Variants in SELENBP1 observed in about 807,000 individuals in gnomAD.
The protein encoded by SELENBP1 is methanethiol oxidase.
Under a neutral mutation model 61.0 loss-of-function variants are expected in SELENBP1, and 71 were observed. The observed-to-expected ratio is 1.16, with a 90% CI of 0.96 to 1.42. The LOEUF is 1.42. Among genes scored for constraint, SELENBP1 ranks in the 40% most tolerant of loss-of-function variants. The pLI, the probability that SELENBP1 is intolerant of heterozygous loss-of-function variation, is 0.00. For synonymous variants in SELENBP1, 270 were observed against 238.9 expected (o/e 1.13, Z -1.20); for missense variants, 561 against 605.0 (o/e 0.93, Z 0.76).
intron 5 of SELENBP1, 191 bp from the exon 6 acceptor site, chr1:151,367,095 C>A (rs966006416): frequency 2.2e-6 from 3 of 1,385,138 alleles, no homozygotes; most frequent in Non-Finnish European, 2.8e-6. Context: ...GTAATCCCAG[C>A]CCTTTGAGAG....
rs752043996 is a variant in SELENBP1, at chr1:151,365,173, G to T, written c.1137+16C>A. ...TGGGTCTGAGGGGTCCAGCAAGTAGGGGGAGAGGCTCTTACCTTGACCACT... is the reference window on the plus strand; with the variant it reads ...TGGGTCTGAGGGGTCCAGCAAGTAGTGGGAGAGGCTCTTACCTTGACCACT... On this transcript the variant is annotated intron_variant, in intron 10 of 11. Transcript: ENST00000368868. 8.3e-5 allele frequency: 133 copies of T among 1,611,282 alleles called. No individual in the cohort carries two copies. The Admixed American group carries it at 1.9e-3, about 23-fold the overall frequency.
chr1:151,368,861 G>A lies in SELENBP1; in HGVS notation c.360+143C>T, dbSNP rs539359174. On this transcript the variant is annotated intron_variant, in intron 4 of 11. Coordinates refer to ENST00000368868, the MANE Select transcript of SELENBP1 (RefSeq NM_003944.4). ...AATGCCTGGGTAGACTCTGCTCTGA[G>A]GTCCAACCTCCCTCCCTGCTGCCGA... The A allele has an allele frequency of 6.7e-5, 55 of 819,494 alleles. 1 individual carries two copies. Among genetic ancestry groups the A allele is most frequent in the South Asian group, 4.1e-4 (23 of 56,570 alleles). The allele number at this position is 819,494 out of a possible 1,614,324, so 50.8% of individuals were successfully genotyped here.
rs1557841684 is a variant in SELENBP1, at chr1:151,364,570, GC to G, written c.1391del (p.Gly464AlafsTer?). 1.2e-6 allele frequency: 2 copies of G among 1,614,110 alleles called. No homozygotes were observed. The highest frequency in any genetic ancestry group is 1.1e-5 in the South Asian group (1 of 91,086). On this transcript the variant is annotated frameshift_variant, in exon 12 of 12. Transcript: ENST00000368868. LOFTEE classifies it high-confidence loss of function. ...AAATCCAGATGTCAGAGCTACAATC[GC>G]CCCCAGGGTAGCGGAGCTCATGGGC... ...ALAHELRYPG[G>X]DCSSDIWI
intron 7 of SELENBP1, 184 bp from the exon 8 acceptor site, chr1:151,366,030 T>C (rs1651797152): frequency 1.4e-6 from 1 of 733,806 alleles, no homozygotes; most frequent in Non-Finnish European, 2.2e-6. Flanking sequence ...GCTTCACCAC[T>C]GCATTCCCAG....
At position 151,364,949 on chromosome 1, in the gene SELENBP1, C is replaced by A; in HGVS notation, c.1233G>T (p.Lys411Asn). 6.2e-7 allele frequency: 1 copy of A among 1,614,016 alleles called. No homozygotes were observed. Among genetic ancestry groups the A allele is most frequent in the Non-Finnish European group, 8.5e-7 (1 of 1,179,962 alleles). Reference sequence around the variant, plus strand: ...ACCTGATGAGATCAGGGTAAAACTGCTTGTCCCAGGCACTGTACAGCGACG... The same window carrying A: ...ACCTGATGAGATCAGGGTAAAACTGATTGTCCCAGGCACTGTACAGCGACG... ...ITTSLYSAWD[K>N]QFYPDLIREG... The change falls in exon 11 of 12, where the codon AAG becomes AAT. Residue 411 changes from lysine to asparagine, a missense_variant. Coordinates refer to ENST00000368868, the MANE Select transcript of SELENBP1 (RefSeq NM_003944.4).
chr1:151,366,165 C>A, intron 7 of SELENBP1, 110 bp downstream of exon 7: 2 of 1,302,230 alleles, frequency 1.5e-6, no homozygotes, highest in Non-Finnish European at 2.1e-6. Flanking sequence ...GGGCATGCAG[C>A]CTCATTTTTT....
intron 11 of SELENBP1, 101 bp downstream of exon 11, chr1:151,364,825 G>T (rs917900549): frequency 1.3e-6 from 2 of 1,484,532 alleles, no homozygotes; most frequent in Non-Finnish European, 9.2e-7. Flanking sequence ...GGCCATCTGT[G>T]TGGTGGGGTA....
In SELENBP1 at chr1:151,364,944, A is replaced by C. The variant is rs926278891; in HGVS notation, c.1238T>G (p.Phe413Cys). ...TTCTCACCTGATGAGATCAGGGTAA[A>C]ACTGCTTGTCCCAGGCACTGTACAG... ...TSLYSAWDKQFYPDLIREGSV... is the reference protein window; with the variant it reads ...TSLYSAWDKQCYPDLIREGSV... Residue 413 changes from phenylalanine to cysteine, a missense_variant, in exon 11 of 12, where the codon TTT (phenylalanine) becomes TGT (cysteine). Transcript: ENST00000368868. 1 of 1,613,782 alleles carries C rather than the reference A, an allele frequency of 6.2e-7. No homozygotes were observed. The highest frequency in any genetic ancestry group is 1.3e-5 in the African/African-American group (1 of 74,846).
At chr1:151,366,500 G>A in intron 6 of SELENBP1, 47 bp from the exon 7 acceptor site, 1 of 1,589,254 alleles carries the variant, frequency 6.3e-7, no homozygotes, top group South Asian at 1.1e-5. Flanking sequence ...TCAGAGGTTG[G>A]AAGGCATGGG....
At position 151,372,631 on chromosome 1, in the gene SELENBP1, T is replaced by G. The variant is rs1263310577; in HGVS notation, c.4+7A>C. The G allele has an allele frequency of 6.2e-7, 1 of 1,614,000 alleles. No homozygotes were observed. Among genetic ancestry groups the G allele is most frequent in the African/African-American group, 1.3e-5 (1 of 74,894 alleles). The stretch of plus-strand genomic sequence containing the variant: ...GGCAATGGGTGATTGGAAACCCCTC[T>G]CCTTACCCATGCTGCCGACTGGTAC... On this transcript the variant is annotated splice_region_variant and intron_variant, in intron 1 of 11. Coordinates refer to ENST00000368868, the MANE Select transcript of SELENBP1 (RefSeq NM_003944.4).
In SELENBP1 at chr1:151,369,744, G is replaced by A. The variant is rs746492571; in HGVS notation, c.30C>T (p.Pro10=). 26 of 1,552,576 alleles carry A rather than the reference G, an allele frequency of 1.7e-5. No individual in the cohort carries two copies. Among genetic ancestry groups the A allele is most frequent in the Non-Finnish European group, 2.1e-5 (24 of 1,147,528 alleles). MATKCGNCG[P]GYSTPLEAMK... ...TGGCCTCCAGAGGGGTGGAGTAGCC[G>A]GGTCCACAATTCCCACATTTCGTAG... The change falls in exon 2 of 12, where the codon CCC becomes CCT. Residue 10 remains proline, a synonymous_variant. Coordinates refer to ENST00000368868, the MANE Select transcript of SELENBP1 (RefSeq NM_003944.4).
intron 1 of SELENBP1, among the ~76,000 whole-genome samples, chr1:151,371,080 G>A (rs965165023): frequency 2.0e-5 from 3 of 152,118 alleles, no homozygotes; most frequent in African/African-American, 7.2e-5. Context: ...GTATTCCAAA[G>A]GCCTTTCATA....
chr1:151,367,220 T>C, intron 5 of SELENBP1: 1 of 273,166 alleles, frequency 3.7e-6, no homozygotes, highest in East Asian at 8.2e-5. Context: ...GTCACATGCC[T>C]GTAATCCCAG....
At position 151,369,134 on chromosome 1, in the gene SELENBP1, C is replaced by T; in HGVS notation, c.230G>A (p.Trp77Ter). 1.2e-6 allele frequency: 2 copies of T among 1,614,010 alleles called. No individual in the cohort carries two copies. The highest frequency in any genetic ancestry group is 1.1e-5 in the South Asian group (1 of 91,080). ...NLKDELHHSGWNTCSSCFGDS... is the reference protein window; with the variant it reads ...NLKDELHHSG ...ACCGAAGCAGCTGCTGCAGGTGTTC[C>T]ATCCTGAGTGATGCAGCTCGTCCTT... is the stretch of plus-strand genomic sequence containing the variant. Residue 77 changes from tryptophan to a stop codon, truncating the protein, a stop_gained, in exon 4 of 12, where the codon TGG (tryptophan) becomes TAG (stop). Transcript: ENST00000368868. LOFTEE classifies it high-confidence loss of function.
chr1:151,364,806 G>A, intron 11 of SELENBP1, 101 bp from the exon 12 acceptor site: 4 of 1,489,576 alleles, frequency 2.7e-6, no homozygotes, highest in South Asian at 2.6e-5. Context: ...AATGACCAGG[G>A]TCTCAATGGG....
chr1:151,366,166 C>T (rs769666017), intron 7 of SELENBP1, 109 bp downstream of exon 7: 180 of 1,324,192 alleles, frequency 1.4e-4, no homozygotes, highest in Non-Finnish European at 1.8e-4. Flanking sequence ...GGCATGCAGC[C>T]TCATTTTTTT....
Position 151,369,502 on chromosome 1 carries a change from A to G in SELENBP1, c.114T>C (p.Thr38=), listed in dbSNP as rs1652037797. 1 of 1,612,790 alleles carries G rather than the reference A, an allele frequency of 6.2e-7. No homozygotes were observed. The highest frequency in any genetic ancestry group is 8.5e-7 in the Non-Finnish European group (1 of 1,179,586). ...CAGTGGCCAGATAATCTGGGGCCTC[A>G]GTGCCTGTGTTTCGGTAAATGCAGG... ...YLPCIYRNTG[T]EAPDYLATVD... The change falls in exon 3 of 12, where the codon ACT becomes ACC. Residue 38 remains threonine, a synonymous_variant. Coordinates refer to ENST00000368868, the MANE Select transcript of SELENBP1 (RefSeq NM_003944.4).
intron 5 of SELENBP1, 68 bp downstream of exon 5, chr1:151,368,131 C>T: frequency 1.3e-6 from 2 of 1,577,926 alleles, no homozygotes; most frequent in Non-Finnish European, 1.7e-6. Context: ...CTGCTCCTCC[C>T]ACAGAAAAAT....
In SELENBP1 at chr1:151,372,701, G is replaced by A; in HGVS notation, c.-60C>T. ...TGCTGTGCTGGTGTCAGAGGCCGCT[G>A]TTCCGGGGAAGGAGCGAAGGGAGGG... On this transcript the variant is annotated 5_prime_UTR_variant, in exon 1 of 12. Coordinates refer to ENST00000368868, the MANE Select transcript of SELENBP1 (RefSeq NM_003944.4). 3.1e-6 allele frequency: 5 copies of A among 1,613,592 alleles called. No individual in the cohort carries two copies. The South Asian group carries it at 5.5e-5, about 18-fold the overall frequency.
Sources: allele counts gnomAD v4.1 joint callset (sites outside exome capture counted in the v4.1 genomes callset), GRCh38; gene constraint gnomAD v4.1.1; transcripts MANE v1.5; gene names NCBI Gene and HGNC (gene_info 2026-07-23, HGNC 2026-07-21).